The following SLC7A7 variants were observed in gnomAD, a reference collection of about 807,000 sequenced individuals.
SLC7A7 encodes Y+L amino acid transporter 1.
A neutral mutation model predicts 47.9 loss-of-function variants in SLC7A7; 39 were observed. The ratio of observed to expected loss-of-function variants is 0.81; its 90% CI spans 0.63 to 1.06. The LOEUF is 1.06. Among genes scored for constraint, SLC7A7 ranks in the 50% least tolerant of loss-of-function variants. The pLI, the probability that SLC7A7 is intolerant of heterozygous loss-of-function variation, is 0.00. For synonymous variants in SLC7A7, 234 were observed against 242.8 expected, an observed-to-expected ratio of 0.96 and a Z score of 0.34; for missense variants, 588 against 632.0, an observed-to-expected ratio of 0.93 and a Z score of 0.75.
At position 22,773,321 on chromosome 14, in the gene SLC7A7, A is replaced by G. The variant is rs2038509579; in HGVS notation, c.*289T>C. On this transcript the variant is annotated 3_prime_UTR_variant, in exon 10 of 10. Transcript: ENST00000674313. ...GGAGCATTGTGGGCCCTTTTAAAAG[A>G]AAAGAGGAGTAGGTAGGCACACCCA... 3.8e-6 allele frequency: 2 copies of G among 528,384 alleles called. No homozygotes were observed. Among genetic ancestry groups the G allele is most frequent in the South Asian group, 3.1e-5 (2 of 65,112 alleles). 32.7% of individuals were successfully genotyped at this position (528,384 alleles called of 1,614,324 possible). A position where few individuals can be genotyped will look rare whatever the true frequency, so the allele number is the denominator to read the frequency against.
intron 6 of SLC7A7, 47 bp downstream of exon 6, chr14:22,775,786 G>A (rs1163024971): frequency 1.5e-6 from 2 of 1,345,414 alleles, no homozygotes; most frequent in East Asian, 2.3e-5. Context: ...TCTGTCCACT[G>A]CATAGCCCTT....
At chr14:22,773,843 G>A (rs1419130953) in intron 9 of SLC7A7, 90 bp downstream of exon 9, 4 of 1,575,610 alleles carry the variant, frequency 2.5e-6, no homozygotes, top group East Asian at 2.2e-5. Flanking sequence ...AAGGGGCTAA[G>A]GCAAAGATGT....
chr14:22,783,811 C>A (rs1403595082), intron 2 of SLC7A7, among the ~76,000 whole-genome samples: 1 of 152,160 alleles, frequency 6.6e-6, no homozygotes, highest in Non-Finnish European at 1.5e-5. Context: ...ACCTTCTAGC[C>A]CTGATCTGCT....
In SLC7A7 at chr14:22,812,901, A is replaced by G. The variant is rs8018462; in HGVS notation, c.498T>C (p.Ile166=). 870,807 of 1,611,934 alleles carry G rather than the reference A, an allele frequency of 0.54. 238,475 individuals are homozygous for G. Among genetic ancestry groups the G allele is most frequent in the East Asian group, 0.8 (35,976 of 44,834 alleles). ...AASRLLAAAC[I]CLLTFINCAY... is the part of the protein sequence containing the mutation. ...ACCTCCTACCCCAGCCCCACTTACA[A>G]ATGCAGGCAGCAGCCAGCAGGCGGC... The change falls in exon 2 of 10, where the codon ATT becomes ATC. Residue 166 remains isoleucine, a splice_region_variant and synonymous_variant. Transcript: ENST00000674313.
At chr14:22,798,258 C>T (rs10151071) in intron 2 of SLC7A7, among the ~76,000 whole-genome samples, 149,808 of 152,170 alleles carry the variant, frequency 0.98, 73,775 homozygotes, top group Middle Eastern at 1. Flanking sequence ...GATTACGCCA[C>T]TGCACTCCAG....
chr14:22,780,652 G>C (rs924312414), intron 2 of SLC7A7, among the ~76,000 whole-genome samples: 1 of 152,198 alleles, frequency 6.6e-6, no homozygotes, highest in African/African-American at 2.4e-5. Flanking sequence ...TGGGGACAGG[G>C]CATTTTTCCT....
intron 4 of SLC7A7, among the ~76,000 whole-genome samples, chr14:22,776,567 T>G (rs1320161588): frequency 6.6e-6 from 1 of 152,194 alleles, no homozygotes; most frequent in Non-Finnish European, 1.5e-5. Context: ...GAGCAGTGGC[T>G]CATGCCTGTA....
intron 2 of SLC7A7, among the ~76,000 whole-genome samples, chr14:22,806,865 G>C (rs949801954): frequency 3.3e-5 from 5 of 151,392 alleles, no homozygotes; most frequent in African/African-American, 1.2e-4. Context: ...CCCGACCCCC[G>C]GCAAAAAGTC....
intron 2 of SLC7A7, among the ~76,000 whole-genome samples, chr14:22,811,831 A>G (rs1165378850): frequency 1.6e-5 from 2 of 126,160 alleles, no homozygotes; most frequent in Non-Finnish European, 3.2e-5. Context: ...TGGGCGACAG[A>G]GTGACTCTAT....
At chr14:22,799,783 C>T (rs894476408) in intron 2 of SLC7A7, among the ~76,000 whole-genome samples, 1 of 152,090 alleles carries the variant, frequency 6.6e-6, no homozygotes, top group African/African-American at 2.4e-5. Context: ...ACCATATATA[C>T]AATGATGACT....
chr14:22,777,753 A>G (rs977481526), intron 4 of SLC7A7, among the ~76,000 whole-genome samples: 2 of 152,230 alleles, frequency 1.3e-5, no homozygotes, highest in African/African-American at 4.8e-5. Context: ...GTTTATTGGT[A>G]TAAGAATTGT....
At position 22,774,006 on chromosome 14, in the gene SLC7A7, TGA is replaced by T; in HGVS notation, c.1354_1355del (p.Ser452ArgfsTer15). Reference sequence around the variant, plus strand: ...TGATGAGGAAGTAAAAGGGCAGGCCTGAGAGGGCAATGGCAATGCCGATGAGG... The same window carrying T: ...TGATGAGGAAGTAAAAGGGCAGGCCTGAGGGCAATGGCAATGCCGATGAGG... The part of the protein sequence containing the change: ...NSLIGIAIAL[S>X]GLPFYFLIIR... On this transcript the variant is annotated frameshift_variant, in exon 9 of 10. Coordinates refer to ENST00000674313, the MANE Select transcript of SLC7A7 (RefSeq NM_003982.4). LOFTEE classifies it high-confidence loss of function. 3 of 1,614,080 alleles carry T rather than the reference TGA, an allele frequency of 1.9e-6. No homozygotes were observed. The highest frequency in any genetic ancestry group is 2.5e-6 in the Non-Finnish European group (3 of 1,179,992).
At chr14:22,803,438 C>T (rs2039149950) in intron 2 of SLC7A7, among the ~76,000 whole-genome samples, 1 of 152,050 alleles carries the variant, frequency 6.6e-6, no homozygotes, top group Non-Finnish European at 1.5e-5. Flanking sequence ...AAAAAGAAAA[C>T]AGGATGGGGA....
chr14:22,800,752 A>G (rs2039098615), intron 2 of SLC7A7, among the ~76,000 whole-genome samples: 1 of 152,154 alleles, frequency 6.6e-6, no homozygotes. Flanking sequence ...TAACCTGGCC[A>G]ACACGGTGAA....
intron 2 of SLC7A7, among the ~76,000 whole-genome samples, chr14:22,792,638 C>T (rs1161469879): frequency 2.0e-5 from 3 of 152,064 alleles, no homozygotes; most frequent in Non-Finnish European, 2.9e-5. Flanking sequence ...GGGCGGATCA[C>T]CTGAGGTCAA....
upstream of SLC7A7, chr14:22,816,505 T>TTA (rs2039409725): frequency 4.4e-5 from 3 of 68,244 alleles, no homozygotes; most frequent in Non-Finnish European, 8.4e-5. Context: ...AGACTCCATC[T>TTA]CAAAAAAAAA....
rs1354497731 is a variant in SLC7A7 at position 22,775,847 on chromosome 14, A to T, written c.984T>A (p.Ile328=). ...LSCFGGLNAS[I]VAASRLFFVG... ...GCCACTCTTACCTAGAAGCAGCCAC[A>T]ATGGAGGCATTGAGGCCACCAAAAC... Residue 328 remains isoleucine (I), a synonymous_variant, in exon 6 of 10, where the codon ATT becomes ATA. Coordinates refer to ENST00000674313, the MANE Select transcript of SLC7A7 (RefSeq NM_003982.4). The T allele has an allele frequency of 1.2e-6, 2 of 1,613,734 alleles. No individual in the cohort carries two copies. The highest frequency in any genetic ancestry group is 2.7e-5 in the African/African-American group (2 of 74,940).
rs534105315 is a variant in SLC7A7 at position 22,791,859 on chromosome 14, G to C, written c.500-11808C>G. 2.7e-3 allele frequency among the ~76,000 whole-genome samples: 352 copies of C among 132,340 alleles called. 2 individuals are homozygous for C. The highest frequency in any genetic ancestry group is 7.4e-3 in the African/African-American group (264 of 35,452). The allele number at this position is 132,340 out of a possible 152,430, so 86.8% of individuals were successfully genotyped here. A position where few individuals can be genotyped will look rare whatever the true frequency, so the allele number is the denominator to read the frequency against. ...TTTTTTTTTTTTTTTAATTGAGATGGAGTCTCGCTCTGTCGCCCAGGCTGG... is the reference window on the plus strand; with the variant it reads ...TTTTTTTTTTTTTTTAATTGAGATGCAGTCTCGCTCTGTCGCCCAGGCTGG... On this transcript the variant is annotated intron_variant, in intron 2 of 9. Transcript: ENST00000674313.
chr14:22,773,647 C>T lies in SLC7A7; in HGVS notation c.1499G>A (p.Gly500Glu), dbSNP rs1195921530. The change falls in exon 10 of 10, where the codon GGA (glycine) becomes GAA (glutamate). Residue 500 changes from glycine to glutamate, a missense_variant. Transcript: ENST00000674313. The part of the protein sequence containing the change: ...VAAEMDLEDG[G>E]EMPKQRDPKS... ...GGGATCCCGTTGCTTGGGCATCTCT[C>T]CTCCATCTTCCAAATCCATTTCTGC... The T allele has an allele frequency of 6.2e-7, 1 of 1,614,026 alleles. No individual in the cohort carries two copies. The highest frequency in any genetic ancestry group is 8.5e-7 in the Non-Finnish European group (1 of 1,180,024).
Sources: allele counts gnomAD v4.1 joint callset (sites outside exome capture counted in the v4.1 genomes callset), GRCh38; gene constraint gnomAD v4.1.1; transcripts MANE v1.5; gene names NCBI Gene and HGNC (gene_info 2026-07-23, HGNC 2026-07-21).